The following BAIAP2L1 variants were observed in gnomAD, a reference collection of about 807,000 sequenced individuals.
BAIAP2L1 encodes the protein BAR/IMD domain-containing adapter protein 2-like 1.
BAIAP2L1 carries 35 observed loss-of-function variants against 66.3 expected under a neutral mutation model. The ratio of observed to expected loss-of-function variants is 0.53; its 90% CI spans 0.40 to 0.70. The LOEUF (loss-of-function observed/expected upper bound fraction) is 0.70. Ranked by LOEUF, BAIAP2L1 falls within the 30% of genes least tolerant of loss-of-function variation. The probability of loss-of-function intolerance (pLI) is 0.00; values close to 1 mark genes in which losing one functional copy is unlikely to be tolerated. For missense variants in BAIAP2L1, 622 were observed against 656.9 expected (o/e 0.95, Z 0.58); for synonymous variants, 269 against 248.7 (o/e 1.08, Z -0.77).
At chr7:98,355,742 A>G (rs2115696653) in intron 2 of BAIAP2L1, among the ~76,000 whole-genome samples, 1 of 152,032 alleles carries the variant, frequency 6.6e-6, no homozygotes, top group Middle Eastern at 3.4e-3. Flanking sequence ...AAATAAATAT[A>G]AAAAAAGAAG....
intron 2 of BAIAP2L1, among the ~76,000 whole-genome samples, chr7:98,357,043 ATATATAT>A (rs1269286199): frequency 1.9e-3 from 32 of 16,764 alleles, no homozygotes; most frequent in African/African-American, 6.0e-3. Context: ...ATATATATAT[ATATATAT>A]TTTTTTTTTT....
At chr7:98,366,740 C>T (rs184177858) in intron 1 of BAIAP2L1, among the ~76,000 whole-genome samples, 39 of 152,350 alleles carry the variant, frequency 2.6e-4, no homozygotes, top group Admixed American at 1.1e-3. Context: ...TTGGCACCTA[C>T]GCGCAACCAG....
chr7:98,323,388 A>G (rs775127729), intron 3 of BAIAP2L1: 10 of 152,232 alleles, frequency 6.6e-5, no homozygotes, highest in Non-Finnish European at 1.3e-4. Flanking sequence ...TTGGCAAAGG[A>G]GATCTACTTA....
intron 2 of BAIAP2L1, among the ~76,000 whole-genome samples, chr7:98,358,880 C>A (rs183860461): frequency 1.3e-5 from 2 of 152,144 alleles, no homozygotes; most frequent in Admixed American, 1.3e-4. Flanking sequence ...GAATTCCCAG[C>A]GTATGTGGTC....
intron 6 of BAIAP2L1, among the ~76,000 whole-genome samples, chr7:98,316,047 G>T (rs1215746586): frequency 2.0e-5 from 3 of 152,178 alleles, no homozygotes; most frequent in Non-Finnish European, 4.4e-5. Context: ...TTTGGGGAGG[G>T]ACCTGGTGGG....
chr7:98,359,129 G>A (rs189465179), intron 2 of BAIAP2L1, among the ~76,000 whole-genome samples: 1 of 152,326 alleles, frequency 6.6e-6, no homozygotes, highest in Non-Finnish European at 1.5e-5. Context: ...TGAGCCCGGA[G>A]GGTCTGGAGA....
chr7:98,344,376 C>T (rs142532128), intron 3 of BAIAP2L1, among the ~76,000 whole-genome samples: 1 of 152,318 alleles, frequency 6.6e-6, no homozygotes, highest in East Asian at 1.9e-4. Context: ...TTTGGTATTT[C>T]TCTTTAAATC....
At chr7:98,331,688 C>T (rs537172041) in intron 3 of BAIAP2L1, among the ~76,000 whole-genome samples, 9 of 152,052 alleles carry the variant, frequency 5.9e-5, no homozygotes, top group Middle Eastern at 3.4e-3. Flanking sequence ...GACTGTGTTT[C>T]GAAATCCTGA....
chr7:98,383,661 T>G (rs879039914), intron 1 of BAIAP2L1, among the ~76,000 whole-genome samples: 3 of 152,182 alleles, frequency 2.0e-5, no homozygotes, highest in Admixed American at 6.5e-5. Context: ...CTCCTCTTTG[T>G]GTAAGTTTGT....
At chr7:98,343,924 T>C (rs1403867201) in intron 3 of BAIAP2L1, among the ~76,000 whole-genome samples, 1 of 152,212 alleles carries the variant, frequency 6.6e-6, no homozygotes, top group African/African-American at 2.4e-5. Context: ...CTCACGCCTG[T>C]AATCCCAGCA....
chr7:98,391,036 G>A (rs1379673810), intron 1 of BAIAP2L1, among the ~76,000 whole-genome samples: 4 of 150,798 alleles, frequency 2.7e-5, no homozygotes, highest in Admixed American at 2.6e-4. Flanking sequence ...TAGAAATGGG[G>A]TTTCACCATG....
At chr7:98,327,789 TATTTC>T (rs2115570486) in intron 3 of BAIAP2L1, among the ~76,000 whole-genome samples, 1 of 152,374 alleles carries the variant, frequency 6.6e-6, no homozygotes, top group African/African-American at 2.4e-5. Flanking sequence ...TGGATTTACT[TATTTC>T]TTTTTAGAGA....
intron 3 of BAIAP2L1, among the ~76,000 whole-genome samples, chr7:98,325,012 C>T (rs1801345046): frequency 2.0e-5 from 3 of 152,202 alleles, no homozygotes; most frequent in African/African-American, 7.2e-5. Flanking sequence ...CAAGTGGAGT[C>T]AGACAGTAAA....
chr7:98,307,805 C>T lies in BAIAP2L1; in HGVS notation c.1047G>A (p.Pro349=), dbSNP rs751593031. 1.1e-5 allele frequency: 17 copies of T among 1,614,088 alleles called. No homozygotes were observed. The highest frequency in any genetic ancestry group is 5.3e-5 in the African/African-American group (4 of 74,942). ...AGGTCTTGTTGGAGCCCGCAGTGTG[C>T]GGGAAGATGGTCTTCACTTTCTGCT... ...MKKQKVKTIF[P]HTAGSNKTLL... The change falls in exon 10 of 14, where the codon CCG becomes CCA. Residue 349 remains proline (P), a synonymous_variant. Transcript: ENST00000005260.
At chr7:98,308,649 G>T in intron 9 of BAIAP2L1, 1 of 220,778 alleles carries the variant, frequency 4.5e-6, no homozygotes, top group Non-Finnish European at 9.3e-6. Flanking sequence ...CCACTCCAGG[G>T]GAAAAAAGGT....
intron 3 of BAIAP2L1, among the ~76,000 whole-genome samples, chr7:98,331,546 G>A (rs1009996710): frequency 5.1e-5 from 7 of 137,288 alleles, no homozygotes; most frequent in African/African-American, 1.4e-4. Flanking sequence ...TCGGCTCACC[G>A]TGACCTCCGC....
rs1478020220 is a variant in BAIAP2L1, at chr7:98,379,254, C to T, written c.52-16822G>A. On this transcript the variant is annotated intron_variant, in intron 1 of 13. Transcript: ENST00000005260. Reference sequence around the variant, plus strand: ...ACTGCCTGGATCATCTGATTAATGCCTCACAGTGTTCTCAGCAGCAGCAGG... The same window carrying T: ...ACTGCCTGGATCATCTGATTAATGCTTCACAGTGTTCTCAGCAGCAGCAGG... Among the ~76,000 whole-genome samples the T allele has an allele frequency of 3.9e-5, 6 of 152,278 alleles. No homozygotes were observed. The East Asian group carries it at 9.6e-4, about 24-fold the overall frequency.
intron 2 of BAIAP2L1, among the ~76,000 whole-genome samples, chr7:98,355,934 A>C (rs1802109710): frequency 6.6e-6 from 1 of 152,216 alleles, no homozygotes; most frequent in Admixed American, 6.5e-5. Flanking sequence ...ATTTGTTGCC[A>C]GGAGAGAATA....
Position 98,306,463 on chromosome 7 carries a change from T to G in BAIAP2L1, c.1217A>C (p.Glu406Ala). 1 of 1,614,140 alleles carries G rather than the reference T, an allele frequency of 6.2e-7. No individual in the cohort carries two copies. The highest frequency in any genetic ancestry group is 8.5e-7 in the Non-Finnish European group (1 of 1,180,016). ...CCTTGGCGTGGGCACGGTCACTGCT[T>G]CTGTCTCATTTTCTTCCAGCAACTT... ...YTKLLEENET[E>A]AVTVPTPSPT... Residue 406 changes from glutamate (E) to alanine (A), a missense_variant, in exon 11 of 14, where the codon GAA becomes GCA. Physicochemically the swap from Glu to Ala is moderately radical, Grantham distance 107 (BLOSUM62 -1). Transcript: ENST00000005260.
Sources: allele counts gnomAD v4.1 joint callset (sites outside exome capture counted in the v4.1 genomes callset), GRCh38; gene constraint gnomAD v4.1.1; transcripts MANE v1.5; gene names NCBI Gene and HGNC (gene_info 2026-07-23, HGNC 2026-07-21).